ANKRD30A: variants seen among roughly 807,000 people sequenced by gnomAD.
ANKRD30A encodes ankyrin repeat domain 30A, also known as ankyrin repeat domain-containing protein 30A.
In ANKRD30A, 170 loss-of-function variants were observed where a neutral mutation model predicts 166.3. That is an observed-to-expected ratio of 1.02 (90% confidence interval 0.90 to 1.16). The LOEUF (loss-of-function observed/expected upper bound fraction) is 1.16. ANKRD30A is among the 50% of genes most tolerant of loss of function. The pLI is 0.00. For missense variants in ANKRD30A, 1,630 were observed against 1,518.0 expected (o/e 1.07, Z -1.23); for synonymous variants, 564 against 508.9 (o/e 1.11, Z -1.46).
Position 37,219,116 on chromosome 10 carries a change from A to C in ANKRD30A, c.3404A>C (p.Asp1135Ala). 1 of 1,609,850 alleles carries C rather than the reference A, an allele frequency of 6.2e-7. No homozygotes were observed. Among genetic ancestry groups the C allele is most frequent in the South Asian group, 1.1e-5 (1 of 90,886 alleles). Residue 1135 changes from aspartate (D) to alanine (A), a missense_variant, in exon 34 of 36, where the codon GAC becomes GCC. Physicochemically the swap from Asp to Ala is moderately radical, Grantham distance 126. Coordinates refer to ENST00000361713, the MANE Select transcript of ANKRD30A (RefSeq NM_052997.3). ...YQEKENKYFE[D>A]IKILKEKNAE... is the part of the protein sequence containing the mutation. ...GAAAAGGAAAATAAATACTTTGAGGACATTAAGATTTTAAAAGAAAAGAAT... is the reference window on the plus strand; with the variant it reads ...GAAAAGGAAAATAAATACTTTGAGGCCATTAAGATTTTAAAAGAAAAGAAT...
the ANKRD30A span, among the ~76,000 whole-genome samples, chr10:37,264,168 C>T: frequency 6.6e-6 from 1 of 152,094 alleles, no homozygotes; most frequent in Middle Eastern, 3.2e-3. Context: ...GTCCATTCAG[C>T]CACTCTCTCA....
At chr10:37,227,799 A>G (rs1588962284) in intron 34 of ANKRD30A, among the ~76,000 whole-genome samples, 1 of 151,926 alleles carries the variant, frequency 6.6e-6, no homozygotes, top group Non-Finnish European at 1.5e-5. Flanking sequence ...ACAGTCTACT[A>G]TTTCATGCAT....
chr10:37,159,762 C>G (rs939458174), intron 15 of ANKRD30A, among the ~76,000 whole-genome samples: 2 of 152,022 alleles, frequency 1.3e-5, no homozygotes, highest in African/African-American at 4.8e-5. Flanking sequence ...ATGGCGCGAT[C>G]TCGGCTCACG....
intron 12 of ANKRD30A, 59 bp from the exon 13 acceptor site, chr10:37,153,513 A>G (rs1222952253): frequency 1.1e-5 from 17 of 1,585,928 alleles, no homozygotes; most frequent in South Asian, 3.5e-5. Flanking sequence ...GGAAATTTTG[A>G]TACTCTTCAT....
chr10:37,253,180 A>G, the ANKRD30A span, among the ~76,000 whole-genome samples: 1 of 152,126 alleles, frequency 6.6e-6, no homozygotes, highest in African/African-American at 2.4e-5. Flanking sequence ...ACTTCTTACC[A>G]TGTCTATCAT....
chr10:37,130,237 T>C lies in ANKRD30A; in HGVS notation c.369T>C (p.Asn123=). 6.2e-7 allele frequency: 1 copy of C among 1,600,644 alleles called. No individual in the cohort carries two copies. The highest frequency in any genetic ancestry group is 8.5e-7 in the Non-Finnish European group (1 of 1,174,176). ...ALQCHQEACA[N]ILIDSGADIN... ...AATGCCATCAGGAGGCTTGTGCAAA[T>C]ATTCTGATAGATTCTGGTGCCGATA... Residue 123 remains asparagine, a synonymous_variant, in exon 3 of 36, where the codon AAT becomes AAC. Transcript: ENST00000361713.
intron 34 of ANKRD30A, among the ~76,000 whole-genome samples, chr10:37,226,092 T>C (rs1280319497): frequency 6.6e-6 from 1 of 150,908 alleles, no homozygotes; most frequent in Non-Finnish European, 1.5e-5. Flanking sequence ...AGCATAACAT[T>C]TTCTTTTTAT....
chr10:37,159,294 ATAAGT>A (rs1338513723), intron 15 of ANKRD30A, among the ~76,000 whole-genome samples: 3 of 152,140 alleles, frequency 2.0e-5, no homozygotes, highest in Admixed American at 2.0e-4. Context: ...AGGCGGGCAG[ATAAGT>A]TAAGGTCAGG....
intron 19 of ANKRD30A, among the ~76,000 whole-genome samples, chr10:37,168,096 G>A (rs1296746922): frequency 9.6e-5 from 1 of 10,390 alleles, no homozygotes; most frequent in Admixed American, 9.5e-4. Context: ...TATATAAATG[G>A]TTGTACAATG....
intron 31 of ANKRD30A, among the ~76,000 whole-genome samples, chr10:37,209,826 A>AT (rs889150036): frequency 1.5e-4 from 23 of 151,598 alleles, no homozygotes; most frequent in East Asian, 7.7e-4. Flanking sequence ...GAGATATTAT[A>AT]TTTTTTTTGA....
At chr10:37,191,030 G>T (rs1840521241) in intron 25 of ANKRD30A, among the ~76,000 whole-genome samples, 1 of 151,774 alleles carries the variant, frequency 6.6e-6, no homozygotes. Context: ...TTTATGACTT[G>T]AATACCTAAA....
the ANKRD30A span, among the ~76,000 whole-genome samples, chr10:37,247,715 C>CA: frequency 2.1e-3 from 281 of 133,470 alleles, no homozygotes; most frequent in African/African-American, 5.3e-3. Context: ...ACTAAAAATA[C>CA]AAAAAAAAAA....
downstream of ANKRD30A, chr10:37,232,690 AT>A (rs1158317215): frequency 5.8e-4 from 3 of 5,140 alleles, no homozygotes; most frequent in Non-Finnish European, 9.5e-4. Context: ...ATATATATAT[AT>A]ATAAATAGAG....
chr10:37,167,777 G>A (rs879302801), intron 19 of ANKRD30A, among the ~76,000 whole-genome samples: 8 of 150,546 alleles, frequency 5.3e-5, no homozygotes, highest in African/African-American at 9.9e-5. Context: ...TATGCTCTAA[G>A]TATATATCCA....
chr10:37,193,852 C>T (rs762677737), intron 27 of ANKRD30A, among the ~76,000 whole-genome samples: 1 of 151,974 alleles, frequency 6.6e-6, no homozygotes, highest in Admixed American at 6.6e-5. Flanking sequence ...CCTAGAGGTA[C>T]AAAAGAGCCT....
rs1841609749 is a variant in ANKRD30A, at chr10:37,201,330, G to A, written c.2869+5G>A. 2 of 1,562,700 alleles carry A rather than the reference G, an allele frequency of 1.3e-6. No homozygotes were observed. Among genetic ancestry groups the A allele is most frequent in the Admixed American group, 1.9e-5 (1 of 52,080 alleles). ...AAATAAGTGGAAAATTAGAAGGTAA[G>A]AACCATCTTTTATTTAAAAGGTCAT... On this transcript the variant is annotated splice_donor_5th_base_variant and intron_variant, in intron 31 of 35. Transcript: ENST00000361713.
At chr10:37,137,435 AC>A (rs1836785447) in intron 6 of ANKRD30A, among the ~76,000 whole-genome samples, 1 of 152,206 alleles carries the variant, frequency 6.6e-6, no homozygotes, top group African/African-American at 2.4e-5. Context: ...GCATTGCCTC[AC>A]CTGGGAAGCG....
chr10:37,222,975 A>G (rs955511214), intron 34 of ANKRD30A, among the ~76,000 whole-genome samples: 15 of 151,510 alleles, frequency 9.9e-5, no homozygotes, highest in African/African-American at 3.6e-4. Flanking sequence ...TAAATATATT[A>G]TACTGATAAT....
At chr10:37,178,736 C>T (rs186388152) in intron 24 of ANKRD30A, among the ~76,000 whole-genome samples, 219 of 149,844 alleles carry the variant, frequency 1.5e-3, no homozygotes, top group South Asian at 2.4e-3. Flanking sequence ...TAACAGGTGT[C>T]GAATGGGAAG....
Sources: gnomAD v4.1 joint callset for allele counts (sites outside exome capture counted in the v4.1 genomes callset) on GRCh38, gnomAD v4.1.1 for gene constraint, MANE v1.5 for transcripts, NCBI Gene and HGNC (gene_info 2026-07-23, HGNC 2026-07-21) for gene names.